The following JAK1 variants were observed in gnomAD, a reference collection of about 807,000 sequenced individuals.
JAK1 encodes the protein Janus kinase 1, also known as tyrosine-protein kinase JAK1.
Under a neutral mutation model 136.6 loss-of-function variants are expected in JAK1, and 16 were observed. That is an observed-to-expected ratio of 0.12 (90% CI 0.08 to 0.18). The LOEUF (loss-of-function observed/expected upper bound fraction) is 0.18, where lower values mean the gene tolerates loss of function less well. Among genes scored for constraint, JAK1 ranks in the 10% least tolerant of loss-of-function variants. The pLI is 1.00. For synonymous variants in JAK1, 492 were observed against 519.5 expected, an observed-to-expected ratio of 0.95 and a Z score of 0.72; for missense variants, 859 against 1,450.1, an observed-to-expected ratio of 0.59 and a Z score of 6.62.
chr1:64,866,934 C>T lies in JAK1; in HGVS notation c.922G>A (p.Gly308Arg), dbSNP rs1656740780. Residue 308 changes from glycine to arginine, a missense_variant, in exon 7 of 25, where the codon GGA (glycine) becomes AGA (arginine). By Grantham distance (125) the Gly-to-Arg change is moderately radical. Transcript: ENST00000342505. The stretch of plus-strand genomic sequence containing the variant: ...ATCACTTCGTAGTAGAGAACGTTTC[C>T]ACCGTCATTCGAATGAAACCAATTC... ...EMNWFHSNDG[G>R]NVLYYEVMVT... is the part of the protein sequence containing the mutation. 2 of 1,614,108 alleles carry T rather than the reference C, an allele frequency of 1.2e-6. No homozygotes were observed. The highest frequency in any genetic ancestry group is 1.7e-5 in the Admixed American group (1 of 60,008).
chr1:65,021,659 C>G (rs1256435814), intron 2 of JAK1, among the ~76,000 whole-genome samples: 1 of 152,154 alleles, frequency 6.6e-6, no homozygotes, highest in Admixed American at 6.5e-5. Context: ...CCCTGTCTAT[C>G]CCCGCTAGGT....
intron 2 of JAK1, chr1:64,991,404 T>A (rs550716874): frequency 1.2e-3 from 181 of 152,386 alleles, no homozygotes; most frequent in African/African-American, 4.2e-3. Flanking sequence ...CCTCTTCACA[T>A]GGTCGTACTT....
chr1:64,925,904 T>C (rs1645575504), intron 1 of JAK1, among the ~76,000 whole-genome samples: 1 of 152,132 alleles, frequency 6.6e-6, no homozygotes. Context: ...AAACCACCTG[T>C]CTGGAGGAGT....
chr1:65,004,841 C>T (rs1026258059), intron 2 of JAK1, among the ~76,000 whole-genome samples: 11 of 152,218 alleles, frequency 7.2e-5, no homozygotes, highest in Middle Eastern at 3.4e-3. Context: ...CTCATTTCAG[C>T]CAAATACCTT....
intron 3 of JAK1, among the ~76,000 whole-genome samples, chr1:64,882,588 T>C (rs1486624147): frequency 2.6e-5 from 4 of 152,166 alleles, no homozygotes; most frequent in Non-Finnish European, 5.9e-5. Flanking sequence ...TCATTTAAAA[T>C]CAGGCAAGCA....
rs1654341979 is a variant in JAK1 at position 64,834,502 on chromosome 1, G to A, written c.*60C>T. ...TTAGAAATTTTTAAAAAATGACTTG[G>A]GCATTTGTTGCAGGAGAAGGACTTG... On this transcript the variant is annotated 3_prime_UTR_variant, in exon 25 of 25. Coordinates refer to ENST00000342505, the MANE Select transcript of JAK1 (RefSeq NM_002227.4). The A allele has an allele frequency of 5.2e-6, 6 of 1,143,014 alleles. No homozygotes were observed. The South Asian group carries it at 6.5e-5, about 12-fold the overall frequency. The allele number at this position is 1,143,014 out of a possible 1,614,324, so 70.8% of individuals were successfully genotyped here.
chr1:64,858,981 G>C (rs1656123198), intron 9 of JAK1, among the ~76,000 whole-genome samples: 2 of 152,184 alleles, frequency 1.3e-5, no homozygotes, highest in African/African-American at 4.8e-5. Flanking sequence ...CGAGTGCCTG[G>C]GCCCTGAAGC....
chr1:65,046,465 TTA>T (rs1245196757), intron 1 of JAK1, among the ~76,000 whole-genome samples: 4 of 152,178 alleles, frequency 2.6e-5, no homozygotes, highest in Non-Finnish European at 5.9e-5. Context: ...ATATTTTCCT[TTA>T]TTTCGTCATT....
intron 1 of JAK1, among the ~76,000 whole-genome samples, chr1:64,908,354 G>A (rs931622969): frequency 6.6e-6 from 1 of 152,078 alleles, no homozygotes; most frequent in African/African-American, 2.4e-5. Flanking sequence ...AACATGATAT[G>A]GGGCTCTCTA....
upstream of JAK1, among the ~76,000 whole-genome samples, chr1:64,969,243 T>A (rs919877840): frequency 6.6e-6 from 1 of 151,800 alleles, no homozygotes; most frequent in African/African-American, 2.4e-5. Context: ...TTTAGAAGAA[T>A]CACCCTAGGG....
At chr1:64,954,297 C>T (rs945840778) in intron 1 of JAK1, among the ~76,000 whole-genome samples, 3 of 152,188 alleles carry the variant, frequency 2.0e-5, no homozygotes, top group African/African-American at 7.2e-5. Context: ...AAGTCTCTGG[C>T]TATTACAAAG....
chr1:64,868,448 A>G (rs1183124310), intron 6 of JAK1, among the ~76,000 whole-genome samples: 1 of 152,244 alleles, frequency 6.6e-6, no homozygotes, highest in Non-Finnish European at 1.5e-5. Context: ...ATATAACAGA[A>G]TTAGAGAAGA....
At chr1:64,887,926 T>C (rs1458571236) in intron 1 of JAK1, among the ~76,000 whole-genome samples, 2 of 152,190 alleles carry the variant, frequency 1.3e-5, no homozygotes, top group Non-Finnish European at 2.9e-5. Context: ...AGCCAGTCCA[T>C]AGGCAGTGCT....
chr1:64,912,446 A>G (rs1645300666), intron 1 of JAK1, among the ~76,000 whole-genome samples: 1 of 152,220 alleles, frequency 6.6e-6, no homozygotes, highest in African/African-American at 2.4e-5. Context: ...TGCAATCAGA[A>G]AGCTGTGGGG....
Position 64,837,958 on chromosome 1 carries a change from C to A in JAK1, c.3114G>T (p.Lys1038Asn), listed in dbSNP as rs563790995. 6.2e-7 allele frequency: 1 copy of A among 1,613,956 alleles called. No homozygotes were observed. Among genetic ancestry groups the A allele is most frequent in the African/African-American group, 1.3e-5 (1 of 75,050 alleles). ...AAAACACAGGGCTGTCCCGGTCATC[C>A]TTGACGGTGTAATACTCCTTATCGG... The part of the protein sequence containing the change: ...IETDKEYYTV[K>N]DDRDSPVFWY... Residue 1038 changes from lysine to asparagine, a missense_variant, in exon 22 of 25, where the codon AAG becomes AAT. Around this residue, in one of 4 missense-constraint regions of JAK1, gnomAD observed 44 missense variants for 137.6 expected, o/e 0.32. Transcript: ENST00000342505.
At chr1:64,966,874 G>A (rs1646396060), upstream of JAK1, among the ~76,000 whole-genome samples, 1 of 151,922 alleles carries the variant, frequency 6.6e-6, no homozygotes, top group Non-Finnish European at 1.5e-5. Context: ...AGCCCCCTCC[G>A]CCACACCTTT....
At chr1:64,946,704 A>G (rs1569671161) in intron 1 of JAK1, among the ~76,000 whole-genome samples, 1 of 152,218 alleles carries the variant, frequency 6.6e-6, no homozygotes, top group African/African-American at 2.4e-5. Flanking sequence ...AGAGTTATCC[A>G]AAAAAGTGGC....
intron 1 of JAK1, among the ~76,000 whole-genome samples, chr1:64,965,618 C>T (rs1646359426): frequency 1.3e-5 from 2 of 152,138 alleles, no homozygotes; most frequent in Admixed American, 1.3e-4. Context: ...GCCCCAGTTT[C>T]GGTTAATCAG....
intron 21 of JAK1, 113 bp from the exon 22 acceptor site, chr1:64,838,217 T>A: frequency 8.7e-7 from 1 of 1,154,960 alleles, no homozygotes; most frequent in South Asian, 1.7e-5. Flanking sequence ...TCACTGACAA[T>A]TTTTTTGGTT....
Sources: allele counts gnomAD v4.1 joint callset (sites outside exome capture counted in the v4.1 genomes callset), GRCh38; gene constraint gnomAD v4.1.1; regional missense constraint gnomAD v4.1.1; transcripts MANE v1.5; gene names NCBI Gene and HGNC (gene_info 2026-07-23, HGNC 2026-07-21).